Variants in ATG7 observed in about 807,000 individuals in gnomAD.
The protein encoded by ATG7 is autophagy related 7.
Under a neutral mutation model 82.4 loss-of-function variants are expected in ATG7, and 70 were observed. That is an observed-to-expected ratio of 0.85 (90% CI 0.70 to 1.04). The LOEUF (loss-of-function observed/expected upper bound fraction) is 1.04, where lower values mean the gene tolerates loss of function less well. ATG7 is among the 50% of genes least tolerant of loss of function. The pLI is 0.00. For missense variants in ATG7, 792 were observed against 864.3 expected, an observed-to-expected ratio of 0.92 and a Z score of 1.05; for synonymous variants, 287 against 313.0, an observed-to-expected ratio of 0.92 and a Z score of 0.88.
chr3:11,544,008 C>A (rs1314882181), intron 20 of ATG7, among the ~76,000 whole-genome samples: 5 of 152,216 alleles, frequency 3.3e-5, no homozygotes, highest in Non-Finnish European at 5.9e-5. Flanking sequence ...TCTGCTCTGG[C>A]CTTCCCTGCT....
intron 20 of ATG7, among the ~76,000 whole-genome samples, chr3:11,503,974 A>T (rs1033593214): frequency 6.6e-6 from 1 of 152,108 alleles, no homozygotes; most frequent in African/African-American, 2.4e-5. Flanking sequence ...AAAGGAAAAC[A>T]TAGAAAACAG....
intron 20 of ATG7, among the ~76,000 whole-genome samples, chr3:11,545,431 T>G (rs1385212437): frequency 6.6e-6 from 1 of 152,214 alleles, no homozygotes; most frequent in African/African-American, 2.4e-5. Context: ...GCAGTGACCC[T>G]GGAGCGAGCC....
chr3:11,453,789 A>G (rs1311784044), intron 20 of ATG7, among the ~76,000 whole-genome samples: 1 of 152,132 alleles, frequency 6.6e-6, no homozygotes, highest in Non-Finnish European at 1.5e-5. Context: ...AGGCCTGAGC[A>G]AACCCTCAGT....
the ATG7 span, chr3:11,565,080 G>C: frequency 7.2e-7 from 1 of 1,397,686 alleles, no homozygotes; most frequent in South Asian, 1.6e-5. This position sits in a 1 kb window ranked among gnomAD's most constrained non-coding sequence, Gnocchi z 4.1. Context: ...GACAGTGACT[G>C]TGCGCCAGGC....
At chr3:11,501,105 T>C (rs2091286352) in intron 20 of ATG7, among the ~76,000 whole-genome samples, 1 of 152,044 alleles carries the variant, frequency 6.6e-6, no homozygotes, top group Non-Finnish European at 1.5e-5. Flanking sequence ...AAATAAAAAA[T>C]TGGCCAGGTA....
intron 20 of ATG7, among the ~76,000 whole-genome samples, chr3:11,447,881 G>T (rs985553086): frequency 6.6e-6 from 1 of 152,162 alleles, no homozygotes; most frequent in Non-Finnish European, 1.5e-5. Context: ...GAGTGATGGG[G>T]GATGGTCCTC....
At chr3:11,557,935 AAAAC>A (rs1431420608), downstream of ATG7, 5 of 154,076 alleles carry the variant, frequency 3.2e-5, no homozygotes, top group African/African-American at 7.3e-5. Flanking sequence ...TACATTAAAA[AAAAC>A]AAAAACAGTA....
rs557185100 is a variant in ATG7 at position 11,414,580 on chromosome 3, A to T, written c.1957-12224A>T. ...TTCATTAGCTAGGCCTTCTATTATG[A>T]TGTTGAAAAGGAGTGGTAAGGGGAT... On this transcript the variant is annotated intron_variant, in intron 19 of 20. Coordinates refer to ENST00000693202, the MANE Select transcript of ATG7 (RefSeq NM_001349232.2). Among the ~76,000 whole-genome samples, 23 of 152,128 alleles carry T rather than the reference A, an allele frequency of 1.5e-4. No homozygotes were observed. The South Asian group carries it at 3.5e-3, about 23-fold the overall frequency.
intron 20 of ATG7, among the ~76,000 whole-genome samples, chr3:11,509,076 CAG>C (rs2091905147): frequency 1.3e-5 from 2 of 152,228 alleles, no homozygotes; most frequent in African/African-American, 2.4e-5. Context: ...TTTAACTTTT[CAG>C]AGAGCTTTAA....
intron 18 of ATG7, among the ~76,000 whole-genome samples, chr3:11,370,224 G>T (rs953448272): frequency 4.0e-5 from 6 of 151,162 alleles, no homozygotes; most frequent in Non-Finnish European, 8.8e-5. Context: ...ATAAAGCTCT[G>T]AAAGCAATGA....
chr3:11,415,350 A>C (rs1299530603), intron 19 of ATG7, among the ~76,000 whole-genome samples: 4 of 152,168 alleles, frequency 2.6e-5, no homozygotes, highest in Non-Finnish European at 4.4e-5. Context: ...AGCCTTGAAA[A>C]ACAACACTAA....
chr3:11,518,601 C>G (rs928396697), intron 20 of ATG7, among the ~76,000 whole-genome samples: 1 of 151,854 alleles, frequency 6.6e-6, no homozygotes, highest in African/African-American at 2.4e-5. Flanking sequence ...GCAGATCACT[C>G]TTTGTTACTC....
chr3:11,344,739 G>A (rs910207298), intron 13 of ATG7, among the ~76,000 whole-genome samples: 2 of 152,032 alleles, frequency 1.3e-5, no homozygotes, highest in Non-Finnish European at 2.9e-5. Context: ...CTGTAGTGGC[G>A]CGTGCCTGTA....
chr3:11,536,818 T>C (rs2070347498), intron 20 of ATG7, among the ~76,000 whole-genome samples: 1 of 152,186 alleles, frequency 6.6e-6, no homozygotes, highest in Non-Finnish European at 1.5e-5. Context: ...TGAGCCTCCA[T>C]CTTCCCTTCA....
At chr3:11,515,689 C>G (rs1246721316) in intron 20 of ATG7, among the ~76,000 whole-genome samples, 1 of 151,050 alleles carries the variant, frequency 6.6e-6, no homozygotes, top group Non-Finnish European at 1.5e-5. Context: ...GAACTGTTCT[C>G]TCTTTCTCTC....
At chr3:11,438,297 G>A (rs2083550254) in intron 20 of ATG7, among the ~76,000 whole-genome samples, 1 of 152,112 alleles carries the variant, frequency 6.6e-6, no homozygotes, top group African/African-American at 2.4e-5. Flanking sequence ...CAATGGTGGA[G>A]GCTTTTAAGG....
intron 3 of ATG7, among the ~76,000 whole-genome samples, chr3:11,292,651 C>A (rs1311569582): frequency 0.01 from 74 of 7,398 alleles, no homozygotes; most frequent in African/African-American, 0.012. Context: ...AATTGAATTC[C>A]CACCACACCC....
the ATG7 span, among the ~76,000 whole-genome samples, chr3:11,566,690 C>T: frequency 1.3e-5 from 2 of 152,186 alleles, no homozygotes; most frequent in African/African-American, 2.4e-5. Context: ...CCCTCCTCCC[C>T]GTCCTGCGCT....
chr3:11,573,302 A>AG, the ATG7 span, among the ~76,000 whole-genome samples: 37 of 10,474 alleles, frequency 3.5e-3, 2 homozygotes, highest in Non-Finnish European at 3.1e-3. Flanking sequence ...AAAGAAAGAA[A>AG]GAAAGGAAGG....
Sources: allele counts gnomAD v4.1 joint callset (sites outside exome capture counted in the v4.1 genomes callset), GRCh38; gene constraint gnomAD v4.1.1; non-coding constraint Gnocchi (gnomAD v3.1); transcripts MANE v1.5; gene names NCBI Gene and HGNC (gene_info 2026-07-23, HGNC 2026-07-21).